Variants in UBA3 observed in about 807,000 individuals in gnomAD.
UBA3 encodes the protein ubiquitin like modifier activating enzyme 3.
Under a neutral mutation model 73.5 loss-of-function variants are expected in UBA3, and 26 were observed. That is an observed-to-expected ratio of 0.35 (90% CI 0.26 to 0.49). UBA3 has a LOEUF of 0.49. Among genes scored for constraint, UBA3 ranks in the 20% least tolerant of loss-of-function variants. The probability of loss-of-function intolerance (pLI) is 0.98; values close to 1 mark genes in which losing one functional copy is unlikely to be tolerated. For synonymous variants in UBA3, 217 were observed against 191.2 expected, an observed-to-expected ratio of 1.13 and a Z score of -1.11; for missense variants, 495 against 555.6, an observed-to-expected ratio of 0.89 and a Z score of 1.10.
At chr3:69,056,734 G>A (rs1311531733) in intron 13 of UBA3, 41 bp from the exon 14 acceptor site, 5 of 1,608,826 alleles carry the variant, frequency 3.1e-6, no homozygotes, top group Non-Finnish European at 4.2e-6. Context: ...ATTAAACCAA[G>A]TCAAAACATA....
chr3:69,071,006 T>C (rs557404435), intron 5 of UBA3: 1 of 154,092 alleles, frequency 6.5e-6, no homozygotes, highest in African/African-American at 2.4e-5. Context: ...ATATTCCATA[T>C]ATGCCTAAGG....
intron 2 of UBA3, 24 bp downstream of exon 2, chr3:69,080,088 C>A (rs747602689): frequency 2.5e-6 from 4 of 1,605,042 alleles, no homozygotes; most frequent in South Asian, 1.1e-5. Flanking sequence ...CCGGAGAGGG[C>A]CCCGGCCTCC....
intron 2 of UBA3, among the ~76,000 whole-genome samples, chr3:69,079,145 C>T (rs939044189): frequency 1.3e-5 from 2 of 152,120 alleles, no homozygotes; most frequent in African/African-American, 4.8e-5. Flanking sequence ...GAGCAGATTA[C>T]TTAATAGACA....
At chr3:69,073,416 T>A (rs2092137712) in intron 4 of UBA3, among the ~76,000 whole-genome samples, 1 of 152,188 alleles carries the variant, frequency 6.6e-6, no homozygotes, top group African/African-American at 2.4e-5. Flanking sequence ...TATGGCTCAT[T>A]TGCTCACCTT....
In UBA3 at chr3:69,077,819, A is replaced by T. The variant is rs750726122; in HGVS notation, c.162T>A (p.Pro54=). ...FLERSGPFTH[P]DFEPSTESLQ... is the part of the protein sequence containing the mutation. The stretch of plus-strand genomic sequence containing the variant: ...TCACTTCAGTGCTCGGTTCGAAATC[A>T]GGGTGTGTGAAGGGTCCAGATCGCT... Residue 54 remains proline (P), a synonymous_variant, in exon 3 of 18, where the codon CCT becomes CCA. Transcript: ENST00000361055. 1.9e-6 allele frequency: 3 copies of T among 1,613,588 alleles called. No homozygotes were observed. In the South Asian group the frequency reaches 3.3e-5, roughly 18 times the overall value.
intron 14 of UBA3, 70 bp from the exon 15 acceptor site, chr3:69,056,353 A>G: frequency 7.9e-7 from 1 of 1,263,638 alleles, no homozygotes; most frequent in East Asian, 2.5e-5. Context: ...TGAACAATAA[A>G]ATAAAAATCA....
chr3:69,075,555 A>T (rs756557889), intron 3 of UBA3, 45 bp from the exon 4 acceptor site: 5 of 1,245,092 alleles, frequency 4.0e-6, no homozygotes, highest in South Asian at 3.2e-5. Context: ...TGATAACCGC[A>T]AAGACTATAA....
At chr3:69,061,429 A>T (rs1233414499) in intron 11 of UBA3, among the ~76,000 whole-genome samples, 1 of 152,224 alleles carries the variant, frequency 6.6e-6, no homozygotes, top group African/African-American at 2.4e-5. Flanking sequence ...TCCTGACCTC[A>T]GGTGATCCGC....
At chr3:69,063,558 T>C in intron 7 of UBA3, 55 bp from the exon 8 acceptor site, 1 of 1,376,732 alleles carries the variant, frequency 7.3e-7, no homozygotes, top group Non-Finnish European at 9.9e-7. Flanking sequence ...TGCATGATGA[T>C]CTTTCAATGT....
In UBA3 at chr3:69,080,326, G is replaced by C. The variant is rs764130332; in HGVS notation, c.20+8C>G. The C allele has an allele frequency of 1.9e-6, 3 of 1,603,820 alleles. No homozygotes were observed. The highest frequency in any genetic ancestry group is 2.5e-6 in the Non-Finnish European group (3 of 1,177,232). On this transcript the variant is annotated splice_region_variant and intron_variant, in intron 1 of 17. Transcript: ENST00000361055. ...AGCCCGGCGCGTCTGCAGAGCCCCG[G>C]TACTTACGGCTCCTCGCCATCCGCC...
intron 4 of UBA3, 54 bp from the exon 5 acceptor site, chr3:69,071,671 G>T (rs1003646313): frequency 1.7e-6 from 2 of 1,144,630 alleles, no homozygotes; most frequent in Middle Eastern, 2.0e-4. Context: ...ATTTAAAAAC[G>T]TAACATTTGT....
chr3:69,075,655 T>G, intron 3 of UBA3, 145 bp from the exon 4 acceptor site: 1 of 344,526 alleles, frequency 2.9e-6, no homozygotes, highest in Non-Finnish European at 5.4e-6. Flanking sequence ...GCTCAATTAT[T>G]TGAAATTTGT....
At chr3:69,063,555 T>C (rs2107487689) in intron 7 of UBA3, 52 bp from the exon 8 acceptor site, 3 of 1,420,156 alleles carry the variant, frequency 2.1e-6, no homozygotes, top group African/African-American at 2.9e-5. Context: ...AGTTGCATGA[T>C]GATCTTTCAA....
At chr3:69,059,567 G>A (rs921237613) in intron 11 of UBA3, among the ~76,000 whole-genome samples, 7 of 152,106 alleles carry the variant, frequency 4.6e-5, no homozygotes, top group African/African-American at 1.7e-4. Flanking sequence ...CACCATCCCC[G>A]GCGTAGGAAC....
chr3:69,056,126 G>A, intron 15 of UBA3, 57 bp downstream of exon 15: 3 of 1,555,800 alleles, frequency 1.9e-6, no homozygotes, highest in Non-Finnish European at 2.6e-6. Flanking sequence ...ATTTTTTTAA[G>A]GTTTCAAAAA....
intron 6 of UBA3, among the ~76,000 whole-genome samples, chr3:69,066,780 G>T (rs1028579101): frequency 1.3e-5 from 2 of 152,064 alleles, no homozygotes; most frequent in African/African-American, 4.8e-5. Context: ...AGTTAATTTT[G>T]TATGTTTAGG....
intron 11 of UBA3, among the ~76,000 whole-genome samples, chr3:69,058,324 A>T (rs2091994324): frequency 1.3e-5 from 2 of 152,242 alleles, no homozygotes; most frequent in South Asian, 4.1e-4. Flanking sequence ...TGTTCATTTT[A>T]GAAGACAAAA....
At chr3:69,073,359 G>C (rs2092137247) in intron 4 of UBA3, among the ~76,000 whole-genome samples, 1 of 152,150 alleles carries the variant, frequency 6.6e-6, no homozygotes, top group Non-Finnish European at 1.5e-5. Context: ...TCACAGCTTT[G>C]TACCTGTTAT....
At chr3:69,059,116 A>G (rs2092000551) in intron 11 of UBA3, among the ~76,000 whole-genome samples, 1 of 152,248 alleles carries the variant, frequency 6.6e-6, no homozygotes, top group African/African-American at 2.4e-5. Flanking sequence ...TCATTTTGAT[A>G]GGGGAGATAA....
Sources: allele counts gnomAD v4.1 joint callset (sites outside exome capture counted in the v4.1 genomes callset), GRCh38; gene constraint gnomAD v4.1.1; transcripts MANE v1.5; gene names NCBI Gene and HGNC (gene_info 2026-07-23, HGNC 2026-07-21).